BRMS1L: variants seen among roughly 807,000 people sequenced by gnomAD.
The protein encoded by BRMS1L is breast cancer metastasis-suppressor 1-like protein.
In BRMS1L, 23 loss-of-function variants were observed where a neutral mutation model predicts 50.3. That is an observed-to-expected ratio of 0.46 (90% CI 0.33 to 0.65). The LOEUF is 0.65. Among genes scored for constraint, BRMS1L ranks in the 30% least tolerant of loss-of-function variants. BRMS1L has a pLI of 0.02. For synonymous variants in BRMS1L, 114 were observed against 126.9 expected, an observed-to-expected ratio of 0.90 and a Z score of 0.69; for missense variants, 286 against 386.1, an observed-to-expected ratio of 0.74 and a Z score of 2.17.
In BRMS1L at chr14:35,837,736, G is replaced by A. The variant is rs1252514063; in HGVS notation, c.441+2813G>A. On this transcript the variant is annotated intron_variant, in intron 4 of 9. Coordinates refer to ENST00000216807, the MANE Select transcript of BRMS1L (RefSeq NM_032352.4). ...GGTAATTTTCTTTTTTGTATTTTTA[G>A]TAGAGACGAGGTTTCACCATGTTGG... Among the ~76,000 whole-genome samples, 5 of 152,068 alleles carry A rather than the reference G, an allele frequency of 3.3e-5. No homozygotes were observed. In the East Asian group the frequency reaches 9.7e-4, roughly 29 times the overall value.
chr14:35,859,665 A>G (rs1009524659), intron 4 of BRMS1L, among the ~76,000 whole-genome samples: 2 of 152,000 alleles, frequency 1.3e-5, no homozygotes, highest in African/African-American at 4.8e-5. Context: ...ATTTTTTTTT[A>G]AAGAGACAGA....
At position 35,871,594 on chromosome 14, in the gene BRMS1L, G is replaced by A. The variant is rs1343293806; in HGVS notation, c.*1117G>A. ...AGGGTACACCAAATCAGGTATTCCT[G>A]GTGGTCTTGTGCACTTTAATTTCTG... On this transcript the variant is annotated 3_prime_UTR_variant, in exon 10 of 10. Transcript: ENST00000216807. The A allele has an allele frequency of 6.6e-6, 1 of 152,618 alleles. No homozygotes were observed. The highest frequency in any genetic ancestry group is 1.5e-5 in the Non-Finnish European group (1 of 68,034). The allele number at this position is 152,618 out of a possible 1,614,324, so 9.5% of individuals were successfully genotyped here.
chr14:35,854,398 A>G (rs895506005), intron 4 of BRMS1L, among the ~76,000 whole-genome samples: 1 of 152,208 alleles, frequency 6.6e-6, no homozygotes, highest in African/African-American at 2.4e-5. Context: ...CTTAAGAGCA[A>G]GTCTGCAGTC....
At chr14:35,829,728 G>GA in intron 1 of BRMS1L, 1 of 692,194 alleles carries the variant, frequency 1.4e-6, no homozygotes, top group Admixed American at 3.8e-5. Flanking sequence ...TAGAAAATGA[G>GA]AAAAAAATGA....
intron 4 of BRMS1L, among the ~76,000 whole-genome samples, chr14:35,838,987 G>A (rs974907587): frequency 6.6e-6 from 1 of 152,126 alleles, no homozygotes; most frequent in East Asian, 1.9e-4. Flanking sequence ...TTTCTTCTAG[G>A]GTTTTTATGG....
rs544927218 is a variant in BRMS1L at position 35,826,481 on chromosome 14, G to C, written c.-36G>C. 3.2e-6 allele frequency: 5 copies of C among 1,556,588 alleles called. No individual in the cohort carries two copies. The highest frequency in any genetic ancestry group is 1.7e-4 in the Middle Eastern group (1 of 5,800). On this transcript the variant is annotated 5_prime_UTR_variant, in exon 1 of 10. Coordinates refer to ENST00000216807, the MANE Select transcript of BRMS1L (RefSeq NM_032352.4). ...CATTGAAGCGGCGGTGGCCGGGCTG[G>C]GCGCCGGTAGTGGAAAGCGACGGCG...
chr14:35,867,775 T>C (rs2078440486), intron 8 of BRMS1L, 131 bp from the exon 9 acceptor site: 3 of 796,072 alleles, frequency 3.8e-6, no homozygotes, highest in Non-Finnish European at 5.3e-6. Context: ...ACATTTTAGG[T>C]TTGTTATTTA....
At chr14:35,864,912 T>A in intron 6 of BRMS1L, 23 bp from the exon 7 acceptor site, 1 of 1,484,964 alleles carries the variant, frequency 6.7e-7, no homozygotes, top group Non-Finnish European at 9.2e-7. Flanking sequence ...TTCTTACAGC[T>A]AAATTGACCT....
At chr14:35,840,815 T>G (rs1014438217) in intron 4 of BRMS1L, among the ~76,000 whole-genome samples, 2 of 152,074 alleles carry the variant, frequency 1.3e-5, no homozygotes, top group Non-Finnish European at 2.9e-5. Context: ...ATTCATTGAT[T>G]TTTTTTGAAG....
intron 4 of BRMS1L, among the ~76,000 whole-genome samples, chr14:35,839,836 C>G (rs562339438): frequency 6.6e-6 from 1 of 152,184 alleles, no homozygotes; most frequent in Non-Finnish European, 1.5e-5. Context: ...TTGACTTCCC[C>G]TCTTCCTATT....
At position 35,862,561 on chromosome 14, in the gene BRMS1L, A is replaced by G. The variant is rs763731468; in HGVS notation, c.442-29A>G. The stretch of plus-strand genomic sequence containing the variant: ...AAGATACACCAATTTTTTTCTTTCT[A>G]CTTAAGTATAATCTGTTTTTCTCCC... On this transcript the variant is annotated intron_variant, in intron 4 of 9. Transcript: ENST00000216807. 14 of 1,492,476 alleles carry G rather than the reference A, an allele frequency of 9.4e-6. No homozygotes were observed. The South Asian group carries it at 1.6e-4, about 17-fold the overall frequency. The allele number at this position is 1,492,476 out of a possible 1,614,324, so 92.5% of individuals were successfully genotyped here.
chr14:35,846,477 T>A (rs573594250), intron 4 of BRMS1L, among the ~76,000 whole-genome samples: 1 of 152,276 alleles, frequency 6.6e-6, no homozygotes, highest in South Asian at 2.1e-4. Context: ...TTAGTCTCCT[T>A]CAGTGTGAAA....
At chr14:35,844,932 G>A (rs2078114435) in intron 4 of BRMS1L, among the ~76,000 whole-genome samples, 1 of 151,984 alleles carries the variant, frequency 6.6e-6, no homozygotes, top group Non-Finnish European at 1.5e-5. Context: ...CCAGGCTGGA[G>A]TGCAGTGGCC....
chr14:35,864,055 G>C, intron 6 of BRMS1L, 102 bp downstream of exon 6: 1 of 860,202 alleles, frequency 1.2e-6, no homozygotes, highest in South Asian at 1.6e-5. Flanking sequence ...TTATTTGCAT[G>C]ATCCTGTAAT....
At chr14:35,837,723 T>G (rs1451777830) in intron 4 of BRMS1L, among the ~76,000 whole-genome samples, 1 of 151,988 alleles carries the variant, frequency 6.6e-6, no homozygotes, top group Non-Finnish European at 1.5e-5. Flanking sequence ...TAATTTTCTT[T>G]TTTGTATTTT....
chr14:35,840,373 A>G (rs905380483), intron 4 of BRMS1L, among the ~76,000 whole-genome samples: 5 of 152,162 alleles, frequency 3.3e-5, no homozygotes, highest in Non-Finnish European at 5.9e-5. Flanking sequence ...TCAGGATGAT[A>G]CTGGCCTCAT....
In BRMS1L at chr14:35,834,901, A is replaced by G; in HGVS notation, c.419A>G (p.Gln140Arg). The stretch of plus-strand genomic sequence containing the variant: ...AAGAACAAATATGAATGTGAAATTC[A>G]AGCTTCTCGCCAGCATTGTGAGGTA... ...SVKNKYECEI[Q>R]ASRQHCESEK... Residue 140 changes from glutamine to arginine, a missense_variant, in exon 4 of 10, where the codon CAA becomes CGA. Physicochemically the swap from Gln to Arg is conservative, Grantham distance 43. Coordinates refer to ENST00000216807, the MANE Select transcript of BRMS1L (RefSeq NM_032352.4). The G allele has an allele frequency of 6.3e-7, 1 of 1,597,398 alleles. No individual in the cohort carries two copies. The highest frequency in any genetic ancestry group is 1.3e-5 in the African/African-American group (1 of 74,702).
At chr14:35,865,889 T>C in intron 8 of BRMS1L, 128 bp downstream of exon 8, 2 of 821,404 alleles carry the variant, frequency 2.4e-6, no homozygotes, top group Non-Finnish European at 3.9e-6. Flanking sequence ...TGCCTGAAAT[T>C]ATGAGGAATT....
chr14:35,837,922 G>A (rs1190181295), intron 4 of BRMS1L, among the ~76,000 whole-genome samples: 2 of 152,144 alleles, frequency 1.3e-5, no homozygotes, highest in Admixed American at 1.3e-4. Context: ...TGTGCAGAAT[G>A]TGCAGGTTTG....
Sources: gnomAD v4.1 joint callset for allele counts (sites outside exome capture counted in the v4.1 genomes callset) on GRCh38, gnomAD v4.1.1 for gene constraint, MANE v1.5 for transcripts, NCBI Gene and HGNC (gene_info 2026-07-23, HGNC 2026-07-21) for gene names.